The following PCDHA10 variants were observed in gnomAD, a reference collection of about 807,000 sequenced individuals.
The protein encoded by PCDHA10 is protocadherin alpha-10.
PCDHA10 carries 45 observed loss-of-function variants against 61.2 expected under a neutral mutation model. The observed-to-expected ratio is 0.74, with a 90% CI of 0.58 to 0.94. The LOEUF is 0.94. PCDHA10 is among the 40% of genes least tolerant of loss of function. PCDHA10 has a pLI of 0.00. For missense variants in PCDHA10, 1,278 were observed against 1,236.2 expected, an observed-to-expected ratio of 1.03 and a Z score of -0.51; for synonymous variants, 602 against 548.8, an observed-to-expected ratio of 1.10 and a Z score of -1.35.
intron 1 of PCDHA10, among the ~76,000 whole-genome samples, chr5:140,887,688 G>GA (rs1453843716): frequency 4.2e-4 from 64 of 151,926 alleles, no homozygotes; most frequent in Middle Eastern, 3.2e-3. Context: ...TCAAATTCAG[G>GA]AAAAAATCAA....
At chr5:140,884,396 C>A (rs2060144550) in intron 1 of PCDHA10, 2 of 1,614,012 alleles carry the variant, frequency 1.2e-6, no homozygotes, top group Middle Eastern at 1.6e-4. Flanking sequence ...GGTGTCCAGC[C>A]TGTTGGTGCT....
At chr5:140,895,143 A>T (rs115893558) in intron 1 of PCDHA10, among the ~76,000 whole-genome samples, 1 of 152,158 alleles carries the variant, frequency 6.6e-6, no homozygotes, top group African/African-American at 2.4e-5. Flanking sequence ...CATAGGGCTA[A>T]GACAGGTTTA....
chr5:140,876,925 C>G (rs1554169109), intron 1 of PCDHA10: 1 of 1,613,838 alleles, frequency 6.2e-7, no homozygotes, highest in South Asian at 1.1e-5. Flanking sequence ...CGCGGACGCG[C>G]AGAAGAACGC....
At chr5:140,869,179 G>A (rs782530772) in intron 1 of PCDHA10, 12 of 1,613,988 alleles carry the variant, frequency 7.4e-6, no homozygotes, top group Middle Eastern at 1.7e-4. Context: ...ATTCTGGGAG[G>A]TGGGGAGCGG....
chr5:140,877,014 C>A lies in PCDHA10; in HGVS notation c.2388+18578C>A, dbSNP rs559122507. On this transcript the variant is annotated intron_variant, in intron 1 of 3. Coordinates refer to ENST00000307360, the MANE Select transcript of PCDHA10 (RefSeq NM_018901.4). ...GCTACGTGTCGGTGCACGCGGAGAG[C>A]GGCAAGGTGTACGCGCTGCAGCCGC... is the stretch of plus-strand genomic sequence containing the variant. 5 of 1,612,440 alleles carry A rather than the reference C, an allele frequency of 3.1e-6. No homozygotes were observed. In the African/African-American group the frequency reaches 4.0e-5, roughly 13 times the overall value.
chr5:140,941,578 G>A (rs1007298745), intron 1 of PCDHA10, among the ~76,000 whole-genome samples: 3 of 151,774 alleles, frequency 2.0e-5, no homozygotes, highest in Non-Finnish European at 4.4e-5. Context: ...GCCTCCCAAA[G>A]TGCTGGGATT....
intron 1 of PCDHA10, chr5:140,859,513 T>C: frequency 5.1e-6 from 1 of 196,260 alleles, no homozygotes; most frequent in Non-Finnish European, 1.0e-5. Context: ...ACCCATGATT[T>C]CATTTTTAAA....
rs781811192 is a variant in PCDHA10, at chr5:140,858,436, G to T, written c.2388G>T (p.Lys796Asn). The change falls in exon 1 of 4, where the codon AAG becomes AAT. Residue 796 changes from lysine to asparagine, a missense_variant and splice_region_variant. Coordinates refer to ENST00000307360, the MANE Select transcript of PCDHA10 (RefSeq NM_018901.4). ...CTATTGGAGGGGACCACTCTAGGAA[G>T]GTGGGTTATTACGTTTTCATTTTCC... is the stretch of plus-strand genomic sequence containing the variant. ...DQSIGGDHSR[K>N]PRQPNPDWRY... The T allele has an allele frequency of 6.5e-7, 1 of 1,542,522 alleles. No individual in the cohort carries two copies. Among genetic ancestry groups the T allele is most frequent in the Admixed American group, 2.0e-5 (1 of 51,244 alleles).
chr5:141,000,468 C>T (rs2097940295), intron 3 of PCDHA10, among the ~76,000 whole-genome samples: 1 of 107,380 alleles, frequency 9.3e-6, no homozygotes, highest in Non-Finnish European at 1.8e-5. Context: ...GCTCTTGTTG[C>T]CCAAGCTGGA....
chr5:140,928,949 T>C, intron 1 of PCDHA10: 1 of 1,614,066 alleles, frequency 6.2e-7, no homozygotes, highest in Non-Finnish European at 8.5e-7. Flanking sequence ...TATTTAGTAA[T>C]TGCCTTGGCT....
intron 1 of PCDHA10, among the ~76,000 whole-genome samples, chr5:140,941,810 A>T (rs188836583): frequency 6.6e-5 from 10 of 152,356 alleles, no homozygotes; most frequent in Admixed American, 4.6e-4. Flanking sequence ...TGATTTCAGT[A>T]GGATGACTGC....
intron 2 of PCDHA10, among the ~76,000 whole-genome samples, chr5:140,979,795 A>G (rs781835728): frequency 6.6e-6 from 1 of 152,264 alleles, no homozygotes. Flanking sequence ...GAAACAAATG[A>G]TCACAACTAT....
Position 140,856,901 on chromosome 5 carries a change from C to A in PCDHA10, c.853C>A (p.Pro285Thr). ...GATGTATTCATTTAGCTCTTTGGTC[C>A]CACCCACGATAAGAAGGAAATTTTG... ...EMMYSFSSLV[P>T]PTIRRKFWIN... The change falls in exon 1 of 4, where the codon CCA becomes ACA. Residue 285 changes from proline to threonine, a missense_variant. Transcript: ENST00000307360. The A allele has an allele frequency of 6.3e-7, 1 of 1,595,974 alleles. No homozygotes were observed. Among genetic ancestry groups the A allele is most frequent in the Non-Finnish European group, 8.6e-7 (1 of 1,166,022 alleles).
chr5:140,899,069 A>G (rs1554188379), intron 1 of PCDHA10, among the ~76,000 whole-genome samples: 1 of 152,164 alleles, frequency 6.6e-6, no homozygotes, highest in Non-Finnish European at 1.5e-5. Flanking sequence ...GAAGTTGCTT[A>G]TCAGCTTAAG....
At chr5:140,972,453 G>A (rs2096536665) in intron 1 of PCDHA10, among the ~76,000 whole-genome samples, 3 of 151,360 alleles carry the variant, frequency 2.0e-5, no homozygotes, top group South Asian at 2.1e-4. Context: ...TTTTTCTCTT[G>A]TTGCTTATTA....
intron 1 of PCDHA10, among the ~76,000 whole-genome samples, chr5:140,937,132 GGTT>G (rs2091356684): frequency 6.6e-6 from 1 of 151,434 alleles, no homozygotes. Context: ...CCGCCTCCCG[GGTT>G]CATGCCATTC....
chr5:140,943,737 C>T (rs551964655), intron 1 of PCDHA10, among the ~76,000 whole-genome samples: 12 of 152,258 alleles, frequency 7.9e-5, no homozygotes, highest in African/African-American at 2.9e-4. Context: ...TGAAAGTCCA[C>T]AGTCTAAAAG....
At chr5:140,870,534 G>T (rs547039725) in intron 1 of PCDHA10, 12 of 1,614,150 alleles carry the variant, frequency 7.4e-6, no homozygotes, top group Non-Finnish European at 1.0e-5. Context: ...TCACAGTGTC[G>T]GCGCGGGACG....
chr5:140,893,294 T>C (rs539821362), intron 1 of PCDHA10, among the ~76,000 whole-genome samples: 97 of 152,304 alleles, frequency 6.4e-4, no homozygotes, highest in African/African-American at 2.3e-3. Flanking sequence ...ATATGGTAGT[T>C]CTATTTGTAG....
Sources: allele counts gnomAD v4.1 joint callset (sites outside exome capture counted in the v4.1 genomes callset), GRCh38; gene constraint gnomAD v4.1.1; transcripts MANE v1.5; gene names NCBI Gene and HGNC (gene_info 2026-07-23, HGNC 2026-07-21).